The following COL6A5 variants were observed in gnomAD, a reference collection of about 807,000 sequenced individuals.
The protein encoded by COL6A5 is collagen alpha-5(VI) chain.
Under a neutral mutation model 65.6 loss-of-function variants are expected in COL6A5, and 48 were observed. The ratio of observed to expected loss-of-function variants is 0.73; its 90% CI spans 0.58 to 0.93. The LOEUF (loss-of-function observed/expected upper bound fraction) is 0.93, where lower values mean the gene tolerates loss of function less well. Among genes scored for constraint, COL6A5 ranks in the 40% least tolerant of loss-of-function variants. The probability of loss-of-function intolerance (pLI) is 0.00; values close to 1 mark genes in which losing one functional copy is unlikely to be tolerated. For synonymous variants in COL6A5, 291 were observed against 322.8 expected, an observed-to-expected ratio of 0.90 and a Z score of 1.05; for missense variants, 914 against 928.3, an observed-to-expected ratio of 0.98 and a Z score of 0.20.
intron 25 of COL6A5, 86 bp from the exon 26 acceptor site, chr3:130,421,067 C>A: frequency 7.9e-7 from 1 of 1,266,696 alleles, no homozygotes; most frequent in Non-Finnish European, 1.1e-6. Context: ...CCTAGTGCTT[C>A]TCTTCTGACA....
In COL6A5 at chr3:130,354,865, G is replaced by A. The variant is rs76555200; in HGVS notation, c.-29+8884G>A. Among the ~76,000 whole-genome samples, 1,512 of 152,230 alleles carry A rather than the reference G, an allele frequency of 9.9e-3. 16 individuals are homozygous for A. Among genetic ancestry groups the A allele is most frequent in the South Asian group, 0.081 (390 of 4,816 alleles). On this transcript the variant is annotated intron_variant and NMD_transcript_variant, in intron 1 of 41. Coordinates refer to the COL6A5 transcript ENST00000312481. ...TAGCCACTCACTGTATTGGCTACTG[G>A]CCATTTGAAATGTAGCTAGACTGAG...
intron 1 of COL6A5, among the ~76,000 whole-genome samples, chr3:130,361,221 C>T (rs1337846397): frequency 1.3e-5 from 2 of 152,028 alleles, no homozygotes; most frequent in East Asian, 1.9e-4. Context: ...TTTTAAAAAT[C>T]GTCTGTGCTC....
chr3:130,355,517 A>G (rs1934891290), intron 1 of COL6A5, among the ~76,000 whole-genome samples: 1 of 152,062 alleles, frequency 6.6e-6, no homozygotes, highest in South Asian at 2.1e-4. Context: ...TTATTTTACC[A>G]GTTTACCCTA....
chr3:130,439,339 TTG>T (rs5852597), intron 1 of COL6A5, among the ~76,000 whole-genome samples, 181 bp from the exon 34 acceptor site: 10,638 of 146,510 alleles, frequency 0.073, 568 homozygotes, highest in African/African-American at 0.15. Flanking sequence ...AAGCAGGGGA[TTG>T]TGTGTGTGTG....
chr3:130,444,608 C>G (rs548558349), intron 4 of COL6A5, among the ~76,000 whole-genome samples: 94 of 152,102 alleles, frequency 6.2e-4, no homozygotes, highest in Non-Finnish European at 1.1e-3. Flanking sequence ...AAGGCTTAGT[C>G]GTTCTCTCGA....
intron 27 of COL6A5, among the ~76,000 whole-genome samples, chr3:130,422,311 CTG>C (rs1309766062): frequency 6.6e-6 from 1 of 151,630 alleles, no homozygotes; most frequent in Non-Finnish European, 1.5e-5. Context: ...CGATAAATAA[CTG>C]TCAAAATTTT....
chr3:130,406,343 C>G (rs1577476759), intron 17 of COL6A5, 22 bp downstream of exon 17: 1 of 1,529,456 alleles, frequency 6.5e-7, no homozygotes, highest in East Asian at 2.4e-5. Context: ...CTTTTCAATA[C>G]TTCAAAGAAG....
intron 17 of COL6A5, among the ~76,000 whole-genome samples, chr3:130,407,014 G>T (rs4494971): frequency 0.62 from 94,599 of 152,022 alleles, 32,222 homozygotes; most frequent in Non-Finnish European, 0.77. Context: ...TAAAATGTGA[G>T]TGAGGCCATG....
At chr3:130,346,032 C>T in intron 1 of COL6A5, 51 bp downstream of exon 1, 1 of 398,558 alleles carries the variant, frequency 2.5e-6, no homozygotes, top group Non-Finnish European at 4.4e-6. Flanking sequence ...GGGGAGGAAA[C>T]CTCGAGTAGA....
rs931947339 is a variant in COL6A5 at position 130,421,151 on chromosome 3, A to T, written c.4951-2A>T. On this transcript the variant is annotated splice_acceptor_variant and NMD_transcript_variant, in intron 25 of 41. Coordinates refer to the COL6A5 transcript ENST00000312481. ...TTGAAAAAAACTGGTGTGTTTACAC[A>T]GGGAGATTCTGGCATCCCAGGCTAC... 33 of 1,550,344 alleles carry T rather than the reference A, an allele frequency of 2.1e-5. No homozygotes were observed. In the Admixed American group the frequency reaches 3.3e-4, roughly 16 times the overall value.
exon 9 of COL6A5, chr3:130,397,625 A>G: frequency 6.4e-7 from 1 of 1,551,360 alleles, no homozygotes; most frequent in South Asian, 1.2e-5. Context: ...ATCTCCACTC[A>G]TGTGCAGGGG....
exon 3 of COL6A5, chr3:130,440,634 T>C (rs899689096): frequency 3.1e-6 from 5 of 1,613,336 alleles, no homozygotes; most frequent in Non-Finnish European, 4.2e-6. Context: ...TTTGTAAAAA[T>C]GATGGCTTTG....
At chr3:130,388,845 G>A (rs1403349461) in exon 6 of COL6A5, 1 of 1,551,332 alleles carries the variant, frequency 6.4e-7, no homozygotes. Context: ...TAACTGGAAA[G>A]GCACTAAATT....
intron 10 of COL6A5, among the ~76,000 whole-genome samples, chr3:130,398,410 G>A (rs539072031): frequency 2.8e-4 from 43 of 152,250 alleles, no homozygotes; most frequent in Non-Finnish European, 4.4e-4. Flanking sequence ...GATTGCAGGC[G>A]TGAGCCACCG....
chr3:130,431,691 C>T (rs1462237135), exon 1 of COL6A5: 2 of 1,551,448 alleles, frequency 1.3e-6, no homozygotes, highest in Non-Finnish European at 8.7e-7. Context: ...AGAAGCAGCT[C>T]CTCCAGCAGC....
chr3:130,398,226 G>A (rs532007256), intron 10 of COL6A5, 115 bp downstream of exon 10: 13 of 704,424 alleles, frequency 1.8e-5, no homozygotes, highest in South Asian at 1.7e-4. Flanking sequence ...CACCTTCTGG[G>A]TTCACACCAT....
At chr3:130,454,365 C>T (rs1709516614) in intron 4 of COL6A5, among the ~76,000 whole-genome samples, 1 of 152,204 alleles carries the variant, frequency 6.6e-6, no homozygotes, top group African/African-American at 2.4e-5. Context: ...TTCACCTGCA[C>T]TACTGCAAAA....
In COL6A5 at chr3:130,347,881, G is replaced by A. The variant is rs535370629; in HGVS notation, c.-29+1900G>A. On this transcript the variant is annotated intron_variant and NMD_transcript_variant, in intron 1 of 41. Transcript: ENST00000312481. ...AAGTGGAAAGTGCAAAGGAAGAGGA[G>A]TTGGGCACTGGGCAAAGTTGGGATC... 9.7e-4 allele frequency among the ~76,000 whole-genome samples: 148 copies of A among 152,300 alleles called. 1 individual carries two copies. Among genetic ancestry groups the A allele is most frequent in the Admixed American group, 4.0e-3 (61 of 15,292 alleles).
At chr3:130,407,369 C>G (rs757981918) in intron 17 of COL6A5, among the ~76,000 whole-genome samples, 8 of 152,020 alleles carry the variant, frequency 5.3e-5, no homozygotes, top group African/African-American at 7.2e-5. Flanking sequence ...CAATGGGGAG[C>G]CTTTGAAAGA....
Sources: gnomAD v4.1 joint callset for allele counts (sites outside exome capture counted in the v4.1 genomes callset) on GRCh38, gnomAD v4.1.1 for gene constraint, MANE v1.5 for transcripts, NCBI Gene and HGNC (gene_info 2026-07-23, HGNC 2026-07-21) for gene names.